Variants in PTPRT observed in about 807,000 individuals in gnomAD.
PTPRT encodes the protein protein tyrosine phosphatase receptor type T.
A neutral mutation model predicts 176.8 loss-of-function variants in PTPRT; 56 were observed. That is an observed-to-expected ratio of 0.32 (90% confidence interval 0.26 to 0.40). The LOEUF (loss-of-function observed/expected upper bound fraction) is 0.40. Among genes scored for constraint, PTPRT ranks in the 10% least tolerant of loss-of-function variants. The pLI, the probability that PTPRT is intolerant of heterozygous loss-of-function variation, is 1.00. For missense variants in PTPRT, 1,540 were observed against 1,908.2 expected, an observed-to-expected ratio of 0.81 and a Z score of 3.60; for synonymous variants, 783 against 739.0, an observed-to-expected ratio of 1.06 and a Z score of -0.96.
rs568156526 is a variant in PTPRT, at chr20:42,246,730, C to A, written c.2312+1957G>T. Among the ~76,000 whole-genome samples the A allele has an allele frequency of 2.6e-5, 4 of 152,280 alleles. No individual in the cohort carries two copies. In the South Asian group the frequency reaches 8.3e-4, roughly 32 times the overall value. On this transcript the variant is annotated intron_variant, in intron 14 of 30. Transcript: ENST00000373187. ...TTTAGAAAGAGCAAAATTGGAAGAG[C>A]ATATCTGATTTACAAATCAGTGGCA...
At chr20:42,784,680 C>A (rs931445785) in intron 3 of PTPRT, among the ~76,000 whole-genome samples, 8 of 152,050 alleles carry the variant, frequency 5.3e-5, no homozygotes, top group African/African-American at 1.9e-4. Flanking sequence ...GTTTAAAGTC[C>A]AGTTGAACCA....
chr20:42,950,805 C>G (rs2146015898), intron 1 of PTPRT, among the ~76,000 whole-genome samples: 1 of 152,306 alleles, frequency 6.6e-6, no homozygotes, highest in South Asian at 2.1e-4. Context: ...GGCAAGGAAA[C>G]AGAGTTTGGC....
chr20:43,062,710 C>G lies in PTPRT; in HGVS notation c.88+126936G>C, dbSNP rs187920336. ...TGGGCCATGAAATCTTGGATTAATTCAAACCTGAACATGGTTGACAGTTAC... is the reference window on the plus strand; with the variant it reads ...TGGGCCATGAAATCTTGGATTAATTGAAACCTGAACATGGTTGACAGTTAC... On this transcript the variant is annotated intron_variant, in intron 1 of 30. Transcript: ENST00000373187. Among the ~76,000 whole-genome samples, 63 of 152,266 alleles carry G rather than the reference C, an allele frequency of 4.1e-4. No individual in the cohort carries two copies. The East Asian group carries it at 7.3e-3, about 18-fold the overall frequency.
intron 11 of PTPRT, among the ~76,000 whole-genome samples, chr20:42,316,556 T>C (rs779343537): frequency 2.0e-5 from 3 of 152,216 alleles, no homozygotes; most frequent in African/African-American, 4.8e-5. Flanking sequence ...TTCCTAATCA[T>C]ATAGCTCTTC....
At chr20:42,451,383 T>C (rs2070824159) in intron 8 of PTPRT, among the ~76,000 whole-genome samples, 1 of 152,160 alleles carries the variant, frequency 6.6e-6, no homozygotes, top group African/African-American at 2.4e-5. Context: ...TGTCATACTT[T>C]ATTTCAGGTA....
At chr20:42,269,333 G>A (rs1222576446) in intron 13 of PTPRT, among the ~76,000 whole-genome samples, 2 of 152,196 alleles carry the variant, frequency 1.3e-5, no homozygotes, top group African/African-American at 4.8e-5. Flanking sequence ...CCAGACTCAT[G>A]TCATCACAGC....
intron 27 of PTPRT, among the ~76,000 whole-genome samples, chr20:42,086,753 A>AAAATATATAT (rs1983991312): frequency 1.0e-5 from 1 of 95,548 alleles, no homozygotes. Context: ...AAAAAAAAAA[A>AAAATATATAT]ATATATATAT....
intron 2 of PTPRT, among the ~76,000 whole-genome samples, chr20:42,862,656 A>C (rs1254664058): frequency 2.0e-5 from 3 of 152,212 alleles, no homozygotes; most frequent in Admixed American, 1.3e-4. Context: ...TTTCGTTTGG[A>C]AAAGCACCTC....
At chr20:42,041,881 A>G in the PTPRT span, among the ~76,000 whole-genome samples, 1 of 152,158 alleles carries the variant, frequency 6.6e-6, no homozygotes, top group Non-Finnish European at 1.5e-5. Context: ...GGCATAATCG[A>G]AATTACCTTT....
At chr20:43,104,563 G>A (rs563869615) in intron 1 of PTPRT, among the ~76,000 whole-genome samples, 2 of 152,320 alleles carry the variant, frequency 1.3e-5, no homozygotes, top group South Asian at 4.1e-4. Context: ...AATGTGGTGA[G>A]ACATATTAAA....
intron 1 of PTPRT, among the ~76,000 whole-genome samples, chr20:43,118,727 C>A (rs1022358845): frequency 1.3e-5 from 2 of 152,108 alleles, no homozygotes; most frequent in African/African-American, 2.4e-5. Context: ...CGTGAGCCAC[C>A]GCACCTGGCC....
At chr20:42,311,212 C>T (rs1429507116) in intron 12 of PTPRT, among the ~76,000 whole-genome samples, 1 of 152,154 alleles carries the variant, frequency 6.6e-6, no homozygotes, top group African/African-American at 2.4e-5. Context: ...ATTCTCAGCA[C>T]TCAGAAAAAT....
At chr20:42,184,545 T>TC (rs1568652199) in intron 16 of PTPRT, among the ~76,000 whole-genome samples, 2 of 103,744 alleles carry the variant, frequency 1.9e-5, no homozygotes, top group African/African-American at 8.3e-5. Context: ...CTCTTCCTCT[T>TC]CTTCTTCTTC....
At chr20:43,047,415 AG>A (rs1411831877) in intron 1 of PTPRT, among the ~76,000 whole-genome samples, 1 of 152,168 alleles carries the variant, frequency 6.6e-6, no homozygotes, top group Non-Finnish European at 1.5e-5. Context: ...TATTGGGCAA[AG>A]TGGCTCTCTT....
chr20:42,321,753 A>AGAT (rs1472629781), intron 11 of PTPRT, among the ~76,000 whole-genome samples: 1 of 152,188 alleles, frequency 6.6e-6, no homozygotes. Flanking sequence ...ATACCATACT[A>AGAT]GACACATAAT....
intron 15 of PTPRT, among the ~76,000 whole-genome samples, chr20:42,206,332 C>A (rs146120138): frequency 6.6e-6 from 1 of 152,184 alleles, no homozygotes; most frequent in African/African-American, 2.4e-5. Context: ...GCGTGAGCGA[C>A]GCAGAAGACG....
At chr20:42,120,859 A>C (rs755951038) in intron 19 of PTPRT, among the ~76,000 whole-genome samples, 14 of 152,222 alleles carry the variant, frequency 9.2e-5, no homozygotes, top group Non-Finnish European at 1.6e-4. Context: ...TAGATGAATA[A>C]AATTTTTAAA....
At chr20:42,832,959 A>G (rs979870437) in intron 2 of PTPRT, among the ~76,000 whole-genome samples, 1 of 151,846 alleles carries the variant, frequency 6.6e-6, no homozygotes, top group African/African-American at 2.4e-5. Flanking sequence ...AAATGTAGCC[A>G]TGTGTATGTA....
chr20:42,419,766 T>C (rs1125550), intron 9 of PTPRT, among the ~76,000 whole-genome samples: 120,877 of 152,052 alleles, frequency 0.79, 48,298 homozygotes, highest in Admixed American at 0.85. Context: ...TGACCTTATT[T>C]GAAAATAAGG....
Sources: allele counts gnomAD v4.1 joint callset (sites outside exome capture counted in the v4.1 genomes callset), GRCh38; gene constraint gnomAD v4.1.1; transcripts MANE v1.5; gene names NCBI Gene and HGNC (gene_info 2026-07-23, HGNC 2026-07-21).